The following MACROD2 variants were observed in gnomAD, a reference collection of about 807,000 sequenced individuals.
MACROD2 encodes mono-ADP ribosylhydrolase 2, also known as ADP-ribose glycohydrolase MACROD2.
In MACROD2, 36 loss-of-function variants were observed where a neutral mutation model predicts 70.4. The ratio of observed to expected loss-of-function variants is 0.51; its 90% CI spans 0.39 to 0.68. The LOEUF (loss-of-function observed/expected upper bound fraction) is 0.68, where lower values mean the gene tolerates loss of function less well. Among genes scored for constraint, MACROD2 ranks in the 30% least tolerant of loss-of-function variants. MACROD2 has a pLI of 0.00. For missense variants in MACROD2, 496 were observed against 538.4 expected, an observed-to-expected ratio of 0.92 and a Z score of 0.78; for synonymous variants, 172 against 178.8, an observed-to-expected ratio of 0.96 and a Z score of 0.30.
chr20:14,243,419 T>C (rs1347866823), intron 3 of MACROD2, among the ~76,000 whole-genome samples: 2 of 152,182 alleles, frequency 1.3e-5, no homozygotes, highest in Non-Finnish European at 2.9e-5. Context: ...TGATTGAAAA[T>C]ATCTGCCTAA....
At chr20:14,624,170 A>G (rs929264693) in intron 4 of MACROD2, among the ~76,000 whole-genome samples, 1 of 152,192 alleles carries the variant, frequency 6.6e-6, no homozygotes, top group African/African-American at 2.4e-5. Context: ...ATGGGGATAC[A>G]GGGGTCTTCT....
intron 8 of MACROD2, among the ~76,000 whole-genome samples, chr20:15,818,713 C>G (rs573548659): frequency 6.6e-6 from 1 of 152,272 alleles, no homozygotes; most frequent in East Asian, 1.9e-4. Context: ...AGGATGAAGT[C>G]ACTCTGGTTG....
chr20:15,486,371 T>C (rs1387409757), intron 7 of MACROD2, among the ~76,000 whole-genome samples: 2 of 152,168 alleles, frequency 1.3e-5, no homozygotes, highest in African/African-American at 2.4e-5. Flanking sequence ...TCTTTCAGCT[T>C]TCTCTCCTTA....
At position 15,649,123 on chromosome 20, in the gene MACROD2, CTCCCT is replaced by C. The variant is rs1419257077; in HGVS notation, c.645+149290_645+149294del. Among the ~76,000 whole-genome samples the C allele has an allele frequency of 4.3e-3, 499 of 116,566 alleles. 4 individuals are homozygous for C. The highest frequency in any genetic ancestry group is 6.7e-3 in the Non-Finnish European group (382 of 57,052). The allele number at this position is 116,566 out of a possible 152,430, so 76.5% of individuals were successfully genotyped here. A position where few individuals can be genotyped will look rare whatever the true frequency, so the allele number is the denominator to read the frequency against. On this transcript the variant is annotated intron_variant, in intron 8 of 17. Transcript: ENST00000684519. ...CTCCCCTCCCCTTCCCTCCCCTCCC[CTCCCT>C]TCCCTTCCCTTCCTCTTTCTTTCTT...
rs1351264859 is a variant in MACROD2, at chr20:15,323,811, A to G, written c.540+93750A>G. 2.0e-5 allele frequency among the ~76,000 whole-genome samples: 3 copies of G among 152,174 alleles called. No homozygotes were observed. In the East Asian group the frequency reaches 5.8e-4, roughly 29 times the overall value. On this transcript the variant is annotated intron_variant, in intron 6 of 17. Coordinates refer to ENST00000684519, the MANE Select transcript of MACROD2 (RefSeq NM_001351661.2). ...GCCTATGTCCCTAAGTTGTATCCCC[A>G]GTGTCTAATGCCATCACACTCCCTC...
At chr20:14,941,278 T>C (rs562077920) in intron 5 of MACROD2, among the ~76,000 whole-genome samples, 3 of 152,216 alleles carry the variant, frequency 2.0e-5, no homozygotes, top group Non-Finnish European at 4.4e-5. Flanking sequence ...TTTTTCTTAG[T>C]ACAGAGCAGA....
intron 8 of MACROD2, among the ~76,000 whole-genome samples, chr20:15,772,095 AAAAAAAAT>A (rs1484331398): frequency 4.2e-5 from 4 of 94,296 alleles, no homozygotes; most frequent in African/African-American, 2.0e-4. Flanking sequence ...AAAAAAAAAA[AAAAAAAAT>A]ATATATATAT....
intron 8 of MACROD2, among the ~76,000 whole-genome samples, chr20:15,548,811 A>T (rs1328512557): frequency 6.6e-6 from 1 of 152,216 alleles, no homozygotes; most frequent in African/African-American, 2.4e-5. Flanking sequence ...GGGGGAAGTC[A>T]GCCACCATGT....
intron 5 of MACROD2, among the ~76,000 whole-genome samples, chr20:15,002,291 T>C (rs1291251275): frequency 1.3e-5 from 2 of 152,192 alleles, no homozygotes; most frequent in Non-Finnish European, 1.5e-5. Flanking sequence ...TTTTTTGTTT[T>C]TTTTGGCTAT....
At chr20:15,819,201 A>G (rs988417129) in intron 8 of MACROD2, among the ~76,000 whole-genome samples, 3 of 144,414 alleles carry the variant, frequency 2.1e-5, no homozygotes, top group Non-Finnish European at 4.5e-5. Flanking sequence ...CTGTATCTAT[A>G]TATTTATATA....
At position 15,229,922 on chromosome 20, in the gene MACROD2, T is replaced by G. The variant is rs779562232; in HGVS notation, c.419-18T>G. 5 of 1,585,530 alleles carry G rather than the reference T, an allele frequency of 3.2e-6. No homozygotes were observed. The South Asian group carries it at 4.7e-5, about 15-fold the overall frequency. The stretch of plus-strand genomic sequence containing the variant: ...AATACCTCGCTTATCCTCTTTTTCC[T>G]TCCTTTTGTATTTACAGATGTCATC... On this transcript the variant is annotated intron_variant, in intron 5 of 17. Coordinates refer to ENST00000684519, the MANE Select transcript of MACROD2 (RefSeq NM_001351661.2).
intron 5 of MACROD2, among the ~76,000 whole-genome samples, chr20:15,188,579 T>C (rs1165100469): frequency 2.0e-5 from 3 of 152,216 alleles, no homozygotes; most frequent in Admixed American, 6.5e-5. Flanking sequence ...TTCAAAGATA[T>C]GCTTTTCTCA....
intron 7 of MACROD2, among the ~76,000 whole-genome samples, chr20:15,493,033 C>T (rs575231846): frequency 5.9e-5 from 9 of 152,216 alleles, no homozygotes; most frequent in South Asian, 2.1e-4. Context: ...GCCCCATGCT[C>T]GGCTGGGTGG....
chr20:14,611,720 A>T (rs908907538), intron 4 of MACROD2, among the ~76,000 whole-genome samples: 2 of 152,064 alleles, frequency 1.3e-5, no homozygotes, highest in Non-Finnish European at 2.9e-5. Context: ...CATTCTTGGT[A>T]AATCTGTGTA....
At chr20:14,273,434 C>T (rs1163388686) in intron 3 of MACROD2, among the ~76,000 whole-genome samples, 330 of 148,836 alleles carry the variant, frequency 2.2e-3, no homozygotes, top group South Asian at 2.9e-3. Context: ...TAAAGATGTT[C>T]TTTGAAACCA....
chr20:14,550,791 A>G (rs1295402555), intron 4 of MACROD2, among the ~76,000 whole-genome samples: 1 of 152,216 alleles, frequency 6.6e-6, no homozygotes, highest in South Asian at 2.1e-4. Flanking sequence ...TCAGTATTCA[A>G]TGGCCTTAGG....
chr20:14,480,095 G>T (rs930285901), intron 3 of MACROD2, among the ~76,000 whole-genome samples: 1 of 151,918 alleles, frequency 6.6e-6, no homozygotes, highest in Non-Finnish European at 1.5e-5. Flanking sequence ...ATGTTGCACA[G>T]ACTGGAACTC....
intron 8 of MACROD2, among the ~76,000 whole-genome samples, chr20:15,613,116 A>G (rs569518040): frequency 6.6e-6 from 1 of 152,368 alleles, no homozygotes; most frequent in East Asian, 1.9e-4. Flanking sequence ...CACCTCCTTT[A>G]TTAGTGTGAC....
intron 2 of MACROD2, chr20:14,051,825 T>A: frequency 2.1e-6 from 1 of 473,282 alleles, no homozygotes. Context: ...TCTGGACCAC[T>A]TGAAAGGCCC....
Sources: gnomAD v4.1 joint callset for allele counts (sites outside exome capture counted in the v4.1 genomes callset) on GRCh38, gnomAD v4.1.1 for gene constraint, MANE v1.5 for transcripts, NCBI Gene and HGNC (gene_info 2026-07-23, HGNC 2026-07-21) for gene names.